Variants in TM4SF4 observed in about 807,000 individuals in gnomAD.
TM4SF4 encodes the protein transmembrane 4 L six family member 4.
In TM4SF4, 24 loss-of-function variants were observed where a neutral mutation model predicts 24.1. That is an observed-to-expected ratio of 1.00 (90% CI 0.72 to 1.40). The LOEUF is 1.40. Among genes scored for constraint, TM4SF4 ranks in the 40% most tolerant of loss-of-function variants. The pLI is 0.00. For missense variants in TM4SF4, 254 were observed against 254.2 expected (o/e 1.00, Z 0.01); for synonymous variants, 113 against 97.0 (o/e 1.17, Z -0.97).
chr3:149,497,485 A>C (rs1051157893), intron 3 of TM4SF4, among the ~76,000 whole-genome samples: 1 of 152,242 alleles, frequency 6.6e-6, no homozygotes, highest in Non-Finnish European at 1.5e-5. Flanking sequence ...AGATAGATAA[A>C]GAGTTTTTCA....
At position 149,475,015 on chromosome 3, in the gene TM4SF4, CT is replaced by C. The variant is rs1733901066; in HGVS notation, c.139del (p.Trp47GlyfsTer7). On this transcript the variant is annotated frameshift_variant, in exon 1 of 5. Transcript: ENST00000305354. LOFTEE classifies it high-confidence loss of function. ...ACAACGACCACCTTTCCCAAGAGATCTGGTTTTTCGGAGGAATATTAGGAAG... is the reference window on the plus strand; with the variant it reads ...ACAACGACCACCTTTCCCAAGAGATCGGTTTTTCGGAGGAATATTAGGAAG... ...DDNDHLSQEI[W>X]FFGGILGSGV... is the part of the protein sequence containing the mutation. The C allele has an allele frequency of 6.2e-7, 1 of 1,613,598 alleles. No homozygotes were observed. Among genetic ancestry groups the C allele is most frequent in the Non-Finnish European group, 8.5e-7 (1 of 1,179,814 alleles).
chr3:149,474,796 C>T lies in TM4SF4; in HGVS notation c.-82C>T, dbSNP rs1195614972. ...AATTGGAGACAATTACAAGGACTCTCTGGCCAAAAACCCTTGAAGAGGCCC... is the reference window on the plus strand; with the variant it reads ...AATTGGAGACAATTACAAGGACTCTTTGGCCAAAAACCCTTGAAGAGGCCC... On this transcript the variant is annotated 5_prime_UTR_variant, in exon 1 of 5. Coordinates refer to ENST00000305354, the MANE Select transcript of TM4SF4 (RefSeq NM_004617.4). 2.1e-6 allele frequency: 3 copies of T among 1,447,386 alleles called. No homozygotes were observed. The highest frequency in any genetic ancestry group is 2.8e-6 in the Non-Finnish European group (3 of 1,079,766). The allele number at this position is 1,447,386 out of a possible 1,614,324, so 89.7% of individuals were successfully genotyped here.
chr3:149,498,978 G>A (rs1434884183), intron 4 of TM4SF4, 67 bp downstream of exon 4: 2 of 1,553,382 alleles, frequency 1.3e-6, no homozygotes, highest in Admixed American at 1.7e-5. Flanking sequence ...TAGCATAAGG[G>A]AGGCCAGGTC....
Position 149,503,286 on chromosome 3 carries a change from A to C in TM4SF4, c.*593A>C, listed in dbSNP as rs1734463283. On this transcript the variant is annotated 3_prime_UTR_variant, in exon 5 of 5. Coordinates refer to ENST00000305354, the MANE Select transcript of TM4SF4 (RefSeq NM_004617.4). ...ACCTGAATTCAGAGGTAACGTAACA[A>C]AGATTGTGTGTGTTTTAGGAGGGGG... The C allele has an allele frequency of 6.6e-6, 1 of 152,212 alleles. No homozygotes were observed. The highest frequency in any genetic ancestry group is 2.4e-5 in the African/African-American group (1 of 41,458). The allele number at this position is 152,212 out of a possible 1,614,324, so 9.4% of individuals were successfully genotyped here.
At chr3:149,502,609 G>A in intron 4 of TM4SF4, 67 bp from the exon 5 acceptor site, 2 of 1,085,874 alleles carry the variant, frequency 1.8e-6, no homozygotes, top group Non-Finnish European at 2.9e-6. Context: ...GGGATGGGAA[G>A]GAGGGGAAAA....
chr3:149,482,118 G>A (rs1369821194), intron 2 of TM4SF4, among the ~76,000 whole-genome samples: 1 of 152,212 alleles, frequency 6.6e-6, no homozygotes, highest in Non-Finnish European at 1.5e-5. Context: ...TTTTCGAGAG[G>A]TGTGTGCCTT....
intron 3 of TM4SF4, among the ~76,000 whole-genome samples, chr3:149,494,433 T>G (rs1404089635): frequency 3.9e-5 from 6 of 152,224 alleles, no homozygotes; most frequent in Non-Finnish European, 5.9e-5. Flanking sequence ...GATTGCCAAT[T>G]CTTTCACCTC....
chr3:149,481,274 T>C (rs1369703223), intron 2 of TM4SF4, among the ~76,000 whole-genome samples: 1 of 117,798 alleles, frequency 8.5e-6, no homozygotes, highest in East Asian at 2.0e-4. Context: ...AAGCATTTGG[T>C]GTAAGGGAAG....
intron 3 of TM4SF4, among the ~76,000 whole-genome samples, chr3:149,491,448 A>T (rs1734208507): frequency 6.6e-6 from 1 of 151,892 alleles, no homozygotes; most frequent in Admixed American, 6.6e-5. Flanking sequence ...CCTGGGCAAC[A>T]GAGCCAGACC....
intron 2 of TM4SF4, among the ~76,000 whole-genome samples, chr3:149,482,648 A>G (rs1354579522): frequency 6.6e-6 from 1 of 152,102 alleles, no homozygotes; most frequent in Non-Finnish European, 1.5e-5. Flanking sequence ...GGCTCAAGCA[A>G]TCCTCCCACC....
At chr3:149,484,328 C>G (rs1734081395) in intron 2 of TM4SF4, among the ~76,000 whole-genome samples, 1 of 152,090 alleles carries the variant, frequency 6.6e-6, no homozygotes, top group African/African-American at 2.4e-5. Flanking sequence ...TATTAATGAT[C>G]TCCACAATTA....
At chr3:149,501,420 T>C (rs1734422931) in intron 4 of TM4SF4, among the ~76,000 whole-genome samples, 1 of 152,200 alleles carries the variant, frequency 6.6e-6, no homozygotes, top group Admixed American at 6.5e-5. Flanking sequence ...CTACATAAAG[T>C]TGAAGGAATG....
chr3:149,486,149 C>T (rs1480682975), intron 2 of TM4SF4, among the ~76,000 whole-genome samples: 1 of 152,184 alleles, frequency 6.6e-6, no homozygotes, highest in Non-Finnish European at 1.5e-5. Flanking sequence ...ACCTTCAAAC[C>T]TTACCCCATC....
At chr3:149,491,099 C>G (rs539613839) in intron 3 of TM4SF4, among the ~76,000 whole-genome samples, 3 of 151,888 alleles carry the variant, frequency 2.0e-5, no homozygotes, top group Admixed American at 6.6e-5. Context: ...AAATGAAGCT[C>G]AAGAAGGTTA....
chr3:149,497,403 A>G (rs1734329222), intron 3 of TM4SF4, among the ~76,000 whole-genome samples: 1 of 152,220 alleles, frequency 6.6e-6, no homozygotes, highest in South Asian at 2.1e-4. Flanking sequence ...CAAAAGCAAA[A>G]TGTTCATTCC....
At chr3:149,495,976 C>A in intron 3 of TM4SF4, 1 of 274,274 alleles carries the variant, frequency 3.6e-6, no homozygotes, top group Admixed American at 3.8e-5. Flanking sequence ...GCAAGGTCAC[C>A]AAGTCTGCCC....
At chr3:149,476,161 T>A (rs534029388) in intron 2 of TM4SF4, among the ~76,000 whole-genome samples, 2 of 152,338 alleles carry the variant, frequency 1.3e-5, no homozygotes, top group Middle Eastern at 6.8e-3. Context: ...ATGTCAGAAC[T>A]GGAGATTCAG....
rs1019908572 is a variant in TM4SF4 at position 149,474,807 on chromosome 3, C to T, written c.-71C>T. The T allele has an allele frequency of 9.3e-6, 14 of 1,501,456 alleles. No individual in the cohort carries two copies. The highest frequency in any genetic ancestry group is 1.9e-4 in the Middle Eastern group (1 of 5,196). The allele number at this position is 1,501,456 out of a possible 1,614,324, so 93.0% of individuals were successfully genotyped here. ...ATTACAAGGACTCTCTGGCCAAAAACCCTTGAAGAGGCCCCGTGAAGGAGG... is the reference window on the plus strand; with the variant it reads ...ATTACAAGGACTCTCTGGCCAAAAATCCTTGAAGAGGCCCCGTGAAGGAGG... On this transcript the variant is annotated 5_prime_UTR_variant, in exon 1 of 5. Coordinates refer to ENST00000305354, the MANE Select transcript of TM4SF4 (RefSeq NM_004617.4).
intron 4 of TM4SF4, among the ~76,000 whole-genome samples, chr3:149,499,209 A>G (rs1734371427): frequency 6.6e-6 from 1 of 152,222 alleles, no homozygotes; most frequent in Non-Finnish European, 1.5e-5. Context: ...CTCTGTCTAT[A>G]TATAAACATT....
Sources: allele counts gnomAD v4.1 joint callset (sites outside exome capture counted in the v4.1 genomes callset), GRCh38; gene constraint gnomAD v4.1.1; transcripts MANE v1.5; gene names NCBI Gene and HGNC (gene_info 2026-07-23, HGNC 2026-07-21).